The following MAPKAPK3 variants were observed in gnomAD, a reference collection of about 807,000 sequenced individuals.
The protein encoded by MAPKAPK3 is MAPK activated protein kinase 3, also known as MAP kinase-activated protein kinase 3.
In MAPKAPK3, 35 loss-of-function variants were observed where a neutral mutation model predicts 49.2. The ratio of observed to expected loss-of-function variants is 0.71; its 90% CI spans 0.54 to 0.94. The LOEUF (loss-of-function observed/expected upper bound fraction) is 0.94, where lower values mean the gene tolerates loss of function less well. Among genes scored for constraint, MAPKAPK3 ranks in the 40% least tolerant of loss-of-function variants. The pLI is 0.00. For missense variants in MAPKAPK3, 398 were observed against 493.1 expected, an observed-to-expected ratio of 0.81 and a Z score of 1.83; for synonymous variants, 178 against 188.7, an observed-to-expected ratio of 0.94 and a Z score of 0.46.
At chr3:50,634,424 T>G (rs1011540111) in intron 2 of MAPKAPK3, among the ~76,000 whole-genome samples, 5 of 151,874 alleles carry the variant, frequency 3.3e-5, no homozygotes, top group African/African-American at 1.2e-4. Flanking sequence ...TCAGGGAACA[T>G]AGGAGAGGAA....
intron 2 of MAPKAPK3, 120 bp downstream of exon 2, chr3:50,617,904 C>T (rs978289956): frequency 1.1e-5 from 8 of 753,484 alleles, no homozygotes; most frequent in African/African-American, 7.0e-5. Flanking sequence ...GTTTCATCGT[C>T]ATACTGTCCT....
At chr3:50,635,724 T>A (rs774268583) in intron 2 of MAPKAPK3, among the ~76,000 whole-genome samples, 4 of 151,606 alleles carry the variant, frequency 2.6e-5, no homozygotes, top group Non-Finnish European at 5.9e-5. Context: ...CAATTTAATC[T>A]TATCTTGTCC....
At chr3:50,639,288 A>G (rs2107595055) in intron 2 of MAPKAPK3, among the ~76,000 whole-genome samples, 2 of 152,226 alleles carry the variant, frequency 1.3e-5, no homozygotes, top group Middle Eastern at 6.8e-3. Flanking sequence ...CCAAACCCAC[A>G]TCTCACTCCA....
At chr3:50,646,084 G>T in intron 7 of MAPKAPK3, 56 bp from the exon 8 acceptor site, 1 of 1,579,136 alleles carries the variant, frequency 6.3e-7, no homozygotes, top group Non-Finnish European at 8.6e-7. Flanking sequence ...GAGGGGAAAT[G>T]GGTCCACCCT....
chr3:50,647,662 C>T (rs1044468931), intron 10 of MAPKAPK3, among the ~76,000 whole-genome samples: 34 of 152,336 alleles, frequency 2.2e-4, no homozygotes, highest in Admixed American at 1.6e-3. Flanking sequence ...TGGTGTGGTC[C>T]GAGGGAGTAA....
intron 2 of MAPKAPK3, 128 bp downstream of exon 2, chr3:50,617,912 C>T: frequency 1.4e-6 from 1 of 706,926 alleles, no homozygotes; most frequent in Non-Finnish European, 2.4e-6. Flanking sequence ...GTCATACTGT[C>T]CTGTAAGGTC....
At chr3:50,611,757 G>A (rs2032334711), upstream of MAPKAPK3, 3 of 1,372,796 alleles carry the variant, frequency 2.2e-6, no homozygotes, top group Non-Finnish European at 2.8e-6. Flanking sequence ...CGGGGCGCGC[G>A]GGCGCAGGAC....
chr3:50,645,440 TCTC>T (rs1346428145), intron 6 of MAPKAPK3, among the ~76,000 whole-genome samples: 1 of 152,128 alleles, frequency 6.6e-6, no homozygotes, highest in African/African-American at 2.4e-5. Context: ...GGCCTTCTCT[TCTC>T]TTCTTTCACC....
chr3:50,628,265 C>T (rs924280947), intron 2 of MAPKAPK3, among the ~76,000 whole-genome samples: 1 of 152,204 alleles, frequency 6.6e-6, no homozygotes, highest in Non-Finnish European at 1.5e-5. Flanking sequence ...CTGGCCACCC[C>T]TGCTAGGGAG....
rs753802960 is a variant in MAPKAPK3, at chr3:50,646,148, G to T, written c.713G>T (p.Gly238Val). The change falls in exon 8 of 11, where the codon GGC becomes GTC. Residue 238 changes from glycine (G) to valine (V), a missense_variant. Gly to Val is a moderately radical substitution (Grantham distance 109, BLOSUM62 -3). Transcript: ENST00000621469. ...LGVIMYILLC[G>V]FPPFYSNTGQ... ...CTTACCCCTTCCCCCAGCCTTTGTGGCTTCCCACCCTTCTACTCCAACACG... is the reference window on the plus strand; with the variant it reads ...CTTACCCCTTCCCCCAGCCTTTGTGTCTTCCCACCCTTCTACTCCAACACG... The T allele has an allele frequency of 6.2e-7, 1 of 1,613,414 alleles. No individual in the cohort carries two copies. Among genetic ancestry groups the T allele is most frequent in the African/African-American group, 1.3e-5 (1 of 74,894 alleles).
intron 2 of MAPKAPK3, among the ~76,000 whole-genome samples, chr3:50,629,886 C>T (rs2032860010): frequency 1.3e-5 from 2 of 152,328 alleles, no homozygotes; most frequent in African/African-American, 4.8e-5. Context: ...CTTCCTAAGA[C>T]TTGATGATTT....
At chr3:50,641,230 T>A (rs1315274221) in intron 3 of MAPKAPK3, among the ~76,000 whole-genome samples, 8 of 152,130 alleles carry the variant, frequency 5.3e-5, no homozygotes, top group Non-Finnish European at 1.2e-4. Context: ...ATCCCTATTA[T>A]ACAAAAGAGA....
rs149174368 is a variant in MAPKAPK3 at position 50,642,502 on chromosome 3, C to T, written c.504+170C>T. The stretch of plus-strand genomic sequence containing the variant: ...TTCTCAGCCTCTTCTCTAGTTTCAG[C>T]ATACTCATTCTGTTCTCACCAGGTG... On this transcript the variant is annotated intron_variant, in intron 5 of 10. Coordinates refer to ENST00000621469, the MANE Select transcript of MAPKAPK3 (RefSeq NM_001243925.2). Among the ~76,000 whole-genome samples the T allele has an allele frequency of 4.6e-5, 7 of 152,346 alleles. No individual in the cohort carries two copies. The East Asian group carries it at 1.4e-3, about 29-fold the overall frequency.
At chr3:50,615,537 G>A (rs539466692), upstream of MAPKAPK3, among the ~76,000 whole-genome samples, 1 of 150,472 alleles carries the variant, frequency 6.6e-6, no homozygotes, top group African/African-American at 2.4e-5. Context: ...GTGCTTTGGA[G>A]TTGGAATGGG....
At position 50,646,248 on chromosome 3, in the gene MAPKAPK3, A is replaced by G; in HGVS notation, c.813A>G (p.Ser271=). 1 of 1,614,162 alleles carries G rather than the reference A, an allele frequency of 6.2e-7. No homozygotes were observed. Among genetic ancestry groups the G allele is most frequent in the Non-Finnish European group, 8.5e-7 (1 of 1,180,028 alleles). ...ACGGCTTCCCCAATCCTGAGTGGTC[A>G]GAAGTCTCTGAGGATGGTGAGTGAA... ...GQYGFPNPEW[S]EVSEDAKQLI... is the part of the protein sequence containing the mutation. The change falls in exon 8 of 11, where the codon TCA becomes TCG. Residue 271 remains serine (S), a synonymous_variant. Transcript: ENST00000621469.
At chr3:50,629,131 C>A (rs2032839010) in intron 2 of MAPKAPK3, among the ~76,000 whole-genome samples, 1 of 152,146 alleles carries the variant, frequency 6.6e-6, no homozygotes, top group South Asian at 2.1e-4. Flanking sequence ...AGGGTCTTCC[C>A]CTTCCTTATT....
chr3:50,636,745 G>A (rs578220824), intron 2 of MAPKAPK3, among the ~76,000 whole-genome samples: 1 of 152,150 alleles, frequency 6.6e-6, no homozygotes, highest in African/African-American at 2.4e-5. Context: ...GGAGGAGAAG[G>A]CTCTGGCTAT....
rs1457761846 is a variant in MAPKAPK3, at chr3:50,617,567, TG to T, written c.4del (p.Asp2?). On this transcript the variant is annotated frameshift_variant and start_lost, in exon 2 of 11. Transcript: ENST00000621469. LOFTEE classifies it high-confidence loss of function. MDGETAEEQGG... is the reference protein window; with the variant it reads XDGETAEEQGG... ...GCCTCTGAGCGCCCCGCGGGGGCCA[TG>T]GATGGTGAAACAGCAGAGGAGCAGG... 5 of 1,521,246 alleles carry T rather than the reference TG, an allele frequency of 3.3e-6. No individual in the cohort carries two copies. Among genetic ancestry groups the T allele is most frequent in the Non-Finnish European group, 4.5e-6 (5 of 1,102,158 alleles). The allele number at this position is 1,521,246 out of a possible 1,614,324, so 94.2% of individuals were successfully genotyped here.
At chr3:50,618,725 C>T (rs1389957821) in intron 2 of MAPKAPK3, among the ~76,000 whole-genome samples, 1 of 152,090 alleles carries the variant, frequency 6.6e-6, no homozygotes, top group East Asian at 1.9e-4. Context: ...GAGTCTCACT[C>T]TGTCGCCAGG....
Sources: gnomAD v4.1 joint callset for allele counts (sites outside exome capture counted in the v4.1 genomes callset) on GRCh38, gnomAD v4.1.1 for gene constraint, MANE v1.5 for transcripts, NCBI Gene and HGNC (gene_info 2026-07-23, HGNC 2026-07-21) for gene names.